TJP1: variants seen among roughly 807,000 people sequenced by gnomAD.
The protein encoded by TJP1 is tight junction protein ZO-1.
Under a neutral mutation model 194.2 loss-of-function variants are expected in TJP1, and 43 were observed. The observed-to-expected ratio is 0.22, with a 90% CI of 0.17 to 0.29. The LOEUF is 0.29. Ranked by LOEUF, TJP1 falls within the 10% of genes least tolerant of loss-of-function variation. TJP1 has a pLI of 1.00. For missense variants in TJP1, 1,971 were observed against 2,185.7 expected (o/e 0.90, Z 1.96); for synonymous variants, 801 against 779.0 (o/e 1.03, Z -0.47).
chr15:29,782,302 A>G (rs900461104), intron 2 of TJP1, among the ~76,000 whole-genome samples: 3 of 152,204 alleles, frequency 2.0e-5, no homozygotes, highest in African/African-American at 7.2e-5. Flanking sequence ...AAACTAAACT[A>G]CAGGGCTACA....
Position 29,742,692 on chromosome 15 carries a change from A to G in TJP1, c.1100T>C (p.Val367Ala). 1 of 1,590,470 alleles carries G rather than the reference A, an allele frequency of 6.3e-7. No homozygotes were observed. Among genetic ancestry groups the G allele is most frequent in the Non-Finnish European group, 8.5e-7 (1 of 1,169,726 alleles). Residue 367 changes from valine (V) to alanine (A), a missense_variant, in exon 9 of 28, where the codon GTG becomes GCG. This residue lies in a region of TJP1 where 192 missense variants were observed against 182.3 expected (regional missense o/e 1.05). Transcript: ENST00000614355. ...ATTTCTTTCAACTGTAACTTCTTCCACTGTTTTAGGTGTGTGATCATCAGC... is the reference window on the plus strand; with the variant it reads ...ATTTCTTTCAACTGTAACTTCTTCCGCTGTTTTAGGTGTGTGATCATCAGC... ...KHADDHTPKT[V>A]EEVTVERNEK...
At chr15:29,805,035 A>G (rs1458184098) in intron 1 of TJP1, among the ~76,000 whole-genome samples, 4 of 152,218 alleles carry the variant, frequency 2.6e-5, no homozygotes, top group Non-Finnish European at 5.9e-5. Context: ...ATCAGACTAT[A>G]ATTCCAATGA....
chr15:29,703,444 C>A (rs1037223156), intron 27 of TJP1, among the ~76,000 whole-genome samples: 1 of 151,686 alleles, frequency 6.6e-6, no homozygotes. Context: ...CCTCAAAAAA[C>A]CAAATCAAAA....
intron 2 of TJP1, among the ~76,000 whole-genome samples, chr15:29,917,919 C>T (rs138490146): frequency 6.6e-6 from 1 of 152,242 alleles, no homozygotes; most frequent in African/African-American, 2.4e-5. Context: ...CAACCGTCAC[C>T]CCCATCCATC....
chr15:29,821,912 A>T, intron 1 of TJP1, 90 bp downstream of exon 1: 1 of 1,122,424 alleles, frequency 8.9e-7, no homozygotes, highest in Non-Finnish European at 1.1e-6. Context: ...GACAGCCGCC[A>T]GCGAGGGAGG....
intron 10 of TJP1, among the ~76,000 whole-genome samples, chr15:29,737,982 T>C (rs546731031): frequency 5.9e-5 from 9 of 152,200 alleles, no homozygotes; most frequent in African/African-American, 2.2e-4. Flanking sequence ...CCCCTCTGAG[T>C]TTTACAATAC....
chr15:29,705,553 G>A lies in TJP1; in HGVS notation c.5043C>T (p.Ile1681=), dbSNP rs2041839532. 2 of 1,614,214 alleles carry A rather than the reference G, an allele frequency of 1.2e-6. No homozygotes were observed. The highest frequency in any genetic ancestry group is 1.1e-5 in the South Asian group (1 of 91,080). ...CTTTCTCTTTATCTAAAGGTGGAAG[G>A]ATGCTGTTGTCCCGGCAGACCTTGA... is the stretch of plus-strand genomic sequence containing the variant. ...IYFKVCRDNS[I]LPPLDKEKGE... is the part of the protein sequence containing the mutation. Residue 1681 remains isoleucine (I), a synonymous_variant, in exon 26 of 28, where the codon ATC becomes ATT. Coordinates refer to ENST00000614355, the MANE Select transcript of TJP1 (RefSeq NM_001330239.4).
chr15:29,754,331 C>T (rs1030804349), intron 8 of TJP1, among the ~76,000 whole-genome samples: 3 of 152,066 alleles, frequency 2.0e-5, no homozygotes, highest in Middle Eastern at 3.4e-3. Flanking sequence ...TAAGAACTTA[C>T]GAACACAAAG....
chr15:29,963,501 T>TA (rs1278543875), intron 1 of TJP1, among the ~76,000 whole-genome samples: 3 of 152,220 alleles, frequency 2.0e-5, no homozygotes, highest in African/African-American at 7.2e-5. Context: ...TAGCAACTCT[T>TA]ATTGTTTTTG....
chr15:29,708,430 C>A, intron 25 of TJP1, 129 bp downstream of exon 25: 1 of 773,954 alleles, frequency 1.3e-6, no homozygotes, highest in Non-Finnish European at 2.1e-6. Flanking sequence ...GCATTCATTG[C>A]AACAACACTC....
chr15:29,804,582 G>A (rs2048999362), intron 1 of TJP1, among the ~76,000 whole-genome samples: 1 of 152,040 alleles, frequency 6.6e-6, no homozygotes, highest in Non-Finnish European at 1.5e-5. Context: ...AGGAAAACCA[G>A]GTAGGAGGAG....
chr15:29,825,206 T>C (rs111546054), upstream of TJP1, among the ~76,000 whole-genome samples: 228 of 152,316 alleles, frequency 1.5e-3, 5 homozygotes, highest in Middle Eastern at 0.058. Context: ...GAATCACCCA[T>C]TTAACAATTA....
intron 1 of TJP1, 32 bp downstream of exon 1, chr15:29,821,970 G>A (rs768947146): frequency 1.1e-5 from 14 of 1,261,582 alleles, no homozygotes; most frequent in African/African-American, 3.1e-5. Context: ...CGGTCGGCCC[G>A]GTCTGGCCCT....
intron 2 of TJP1, among the ~76,000 whole-genome samples, chr15:29,940,898 C>T (rs2055049904): frequency 6.6e-6 from 1 of 152,118 alleles, no homozygotes. Flanking sequence ...GCCCCTGCCC[C>T]GATGACCACC....
At chr15:29,921,812 C>T (rs2152250953) in intron 2 of TJP1, among the ~76,000 whole-genome samples, 1 of 152,038 alleles carries the variant, frequency 6.6e-6, no homozygotes, top group Admixed American at 6.5e-5. Context: ...GGCATATTTG[C>T]TTCATTATCC....
intron 21 of TJP1, 66 bp downstream of exon 21, chr15:29,718,200 A>AGGG: frequency 6.3e-7 from 1 of 1,591,362 alleles, no homozygotes; most frequent in Non-Finnish European, 8.5e-7. Context: ...GTAATGGCGG[A>AGGG]GGGGAGAGCC....
chr15:29,955,476 C>T (rs765024575), intron 2 of TJP1, among the ~76,000 whole-genome samples: 2 of 151,900 alleles, frequency 1.3e-5, no homozygotes. Context: ...AAATAAGAAC[C>T]TGTCACTTGG....
chr15:29,949,832 A>ACCACCTCCACAACCACCACCT (rs2055577639), intron 2 of TJP1, among the ~76,000 whole-genome samples: 1 of 36,204 alleles, frequency 2.8e-5, no homozygotes, highest in African/African-American at 1.6e-4. Context: ...CTCCACCACC[A>ACCACCTCCACAACCACCACCT]CCACCTCCAC....
chr15:29,701,696 G>C lies in TJP1; in HGVS notation c.5213-7C>G, dbSNP rs779925957. ...TGCCAGGTTTTAGGATCACCTATGA[G>C]AGAAAAGAAGTTGATGTCATTTACA... is the stretch of plus-strand genomic sequence containing the variant. On this transcript the variant is annotated splice_region_variant and splice_polypyrimidine_tract_variant and intron_variant, in intron 27 of 27. Transcript: ENST00000614355. The C allele has an allele frequency of 6.0e-5, 96 of 1,609,160 alleles. No homozygotes were observed. In the Admixed American group the frequency reaches 1.6e-3, roughly 27 times the overall value.
Sources: allele counts gnomAD v4.1 joint callset (sites outside exome capture counted in the v4.1 genomes callset), GRCh38; gene constraint gnomAD v4.1.1; regional missense constraint gnomAD v4.1.1; transcripts MANE v1.5; gene names NCBI Gene and HGNC (gene_info 2026-07-23, HGNC 2026-07-21).